CBLIF: variants seen among roughly 807,000 people sequenced by gnomAD.
CBLIF encodes the protein cobalamin binding intrinsic factor, also known as gastric intrinsic factor (vitamin B synthesis).
In CBLIF, 24 loss-of-function variants were observed where a neutral mutation model predicts 44.9. The observed-to-expected ratio is 0.53, with a 90% confidence interval of 0.39 to 0.75. The LOEUF (loss-of-function observed/expected upper bound fraction) is 0.75. Among genes scored for constraint, CBLIF ranks in the 30% least tolerant of loss-of-function variants. CBLIF has a pLI of 0.00. For synonymous variants in CBLIF, 183 were observed against 190.9 expected, an observed-to-expected ratio of 0.96 and a Z score of 0.34; for missense variants, 481 against 513.0, an observed-to-expected ratio of 0.94 and a Z score of 0.60.
chr11:59,831,587 GTGAA>G (rs1353221489), intron 8 of CBLIF, 87 bp downstream of exon 8: 3 of 727,110 alleles, frequency 4.1e-6, no homozygotes, highest in South Asian at 3.0e-5. Context: ...TATTAATTAA[GTGAA>G]TGAATGAATA....
intron 4 of CBLIF, 109 bp downstream of exon 4, chr11:59,842,334 T>C: frequency 8.2e-7 from 1 of 1,224,232 alleles, no homozygotes; most frequent in Admixed American, 1.7e-5. Context: ...TTCACATCCT[T>C]AGCTCCTCCT....
chr11:59,835,479 C>G (rs1233336766), intron 7 of CBLIF, among the ~76,000 whole-genome samples: 1 of 152,140 alleles, frequency 6.6e-6, no homozygotes, highest in Admixed American at 6.5e-5. Context: ...CTGGCCATTT[C>G]TTTTTCTGGA....
At chr11:59,842,891 A>C (rs1434105538) in intron 3 of CBLIF, 137 bp downstream of exon 3, 1 of 705,428 alleles carries the variant, frequency 1.4e-6, no homozygotes, top group African/African-American at 1.8e-5. Context: ...GGATTATCAG[A>C]AGGACCAGAG....
chr11:59,845,460 C>G lies in CBLIF; in HGVS notation c.-7G>C. On this transcript the variant is annotated 5_prime_UTR_variant, in exon 1 of 9. Coordinates refer to ENST00000257248, the MANE Select transcript of CBLIF (RefSeq NM_005142.3). ...AGAGGGCAAACCAGGCCATCTCACT[C>G]TCTCGTCTATGTCTCTCATCCACAG... 6.3e-7 allele frequency: 1 copy of G among 1,593,574 alleles called. No homozygotes were observed. The highest frequency in any genetic ancestry group is 8.6e-7 in the Non-Finnish European group (1 of 1,161,736).
At chr11:59,842,056 C>A (rs957710195) in intron 4 of CBLIF, among the ~76,000 whole-genome samples, 1 of 151,830 alleles carries the variant, frequency 6.6e-6, no homozygotes, top group Non-Finnish European at 1.5e-5. Context: ...GGAGAAGCAT[C>A]GAAAAGAATG....
rs549615866 is a variant in CBLIF, at chr11:59,833,743, G to C, written c.1074-1947C>G. Among the ~76,000 whole-genome samples, 4 of 152,036 alleles carry C rather than the reference G, an allele frequency of 2.6e-5. 1 individual carries two copies. The South Asian group carries it at 6.2e-4, about 24-fold the overall frequency. ...GAAGAATTTGGATCATCTTTTCTTTGAAAAAGAAAAGATGCTTTTTTCCTT... is the reference window on the plus strand; with the variant it reads ...GAAGAATTTGGATCATCTTTTCTTTCAAAAAGAAAAGATGCTTTTTTCCTT... On this transcript the variant is annotated intron_variant, in intron 7 of 8. Transcript: ENST00000257248.
Position 59,838,475 on chromosome 11 carries a change from C to G in CBLIF, c.694-1124G>C, listed in dbSNP as rs933000956. On this transcript the variant is annotated intron_variant, in intron 5 of 8. Coordinates refer to ENST00000257248, the MANE Select transcript of CBLIF (RefSeq NM_005142.3). The stretch of plus-strand genomic sequence containing the variant: ...TTGTTAATGACTGGTTCACCTGAAG[C>G]TTGGAATAGGAAATGGGAGAAGAGA... Among the ~76,000 whole-genome samples the G allele has an allele frequency of 3.9e-5, 6 of 152,028 alleles. 1 individual carries two copies. Among genetic ancestry groups the G allele is most frequent in the African/African-American group, 1.5e-4 (6 of 41,366 alleles).
chr11:59,830,233 CT>C (rs530371257), intron 8 of CBLIF, among the ~76,000 whole-genome samples: 10,663 of 123,242 alleles, frequency 0.087, 503 homozygotes, highest in African/African-American at 0.19. Context: ...CAATTACTTT[CT>C]TTTTTTTTTT....
At chr11:59,842,672 G>A (rs997871863) in intron 3 of CBLIF, 89 bp from the exon 4 acceptor site, 49 of 1,337,228 alleles carry the variant, frequency 3.7e-5, no homozygotes, top group Admixed American at 1.5e-4. Flanking sequence ...CTTTGAAAAG[G>A]AAATTGCTAG....
intron 1 of CBLIF, chr11:59,845,171 C>T (rs1866588626): frequency 1.5e-6 from 1 of 656,742 alleles, no homozygotes; most frequent in Non-Finnish European, 2.6e-6. Context: ...CCCCATCTCT[C>T]TTAATAAAAA....
intron 6 of CBLIF, 150 bp from the exon 7 acceptor site, chr11:59,836,159 T>C: frequency 1.4e-6 from 1 of 733,616 alleles, no homozygotes; most frequent in Non-Finnish European, 2.4e-6. Flanking sequence ...ACAACTAGCA[T>C]AGAATTCCGG....
At chr11:59,833,059 G>T (rs1253897685) in intron 7 of CBLIF, among the ~76,000 whole-genome samples, 1 of 152,116 alleles carries the variant, frequency 6.6e-6, no homozygotes, top group Non-Finnish European at 1.5e-5. Flanking sequence ...TAACAATTGT[G>T]ATATTGTGTG....
intron 4 of CBLIF, 51 bp downstream of exon 4, chr11:59,842,392 G>A: frequency 6.2e-7 from 1 of 1,601,922 alleles, no homozygotes; most frequent in Non-Finnish European, 8.5e-7. Context: ...CCACCATTCA[G>A]TTCACGATGC....
At chr11:59,839,937 C>T (rs932687056) in intron 5 of CBLIF, among the ~76,000 whole-genome samples, 2 of 151,852 alleles carry the variant, frequency 1.3e-5, no homozygotes, top group Admixed American at 6.6e-5. Flanking sequence ...CTCTTCCAGA[C>T]TGCCTTTTTC....
intron 5 of CBLIF, 128 bp from the exon 6 acceptor site, chr11:59,837,479 C>G: frequency 1.3e-6 from 1 of 749,964 alleles, no homozygotes; most frequent in Non-Finnish European, 2.4e-6. Context: ...AATGCAAAGC[C>G]AATGCTATGT....
intron 4 of CBLIF, among the ~76,000 whole-genome samples, chr11:59,841,852 G>A (rs1041271324): frequency 6.6e-6 from 1 of 152,186 alleles, no homozygotes; most frequent in Non-Finnish European, 1.5e-5. Context: ...CCCCCACAGA[G>A]AAGGATCATT....
chr11:59,835,126 T>A (rs994714042), intron 7 of CBLIF, among the ~76,000 whole-genome samples: 1 of 151,880 alleles, frequency 6.6e-6, no homozygotes, highest in Non-Finnish European at 1.5e-5. Flanking sequence ...CGCAAATGCT[T>A]TGTTCTGGCC....
In CBLIF at chr11:59,834,315, C is replaced by T. The variant is rs7109306; in HGVS notation, c.1073+1493G>A. Reference sequence around the variant, plus strand: ...TTCTTTCTTTCTTTCTTTCTTTCTTCCTTCCTTCCTTCCTTCCTTCCTTTT... The same window carrying T: ...TTCTTTCTTTCTTTCTTTCTTTCTTTCTTCCTTCCTTCCTTCCTTCCTTTT... On this transcript the variant is annotated intron_variant, in intron 7 of 8. Coordinates refer to ENST00000257248, the MANE Select transcript of CBLIF (RefSeq NM_005142.3). Among the ~76,000 whole-genome samples the T allele has an allele frequency of 1.4e-3, 160 of 117,162 alleles. 1 individual carries two copies. Among genetic ancestry groups the T allele is most frequent in the East Asian group, 1.8e-3 (7 of 3,962 alleles). 76.9% of individuals were successfully genotyped at this position (117,162 alleles called of 152,430 possible).
intron 7 of CBLIF, among the ~76,000 whole-genome samples, chr11:59,833,800 C>T (rs914862762): frequency 6.6e-6 from 1 of 152,168 alleles, no homozygotes; most frequent in Non-Finnish European, 1.5e-5. Flanking sequence ...TCCTCTCCTC[C>T]TATAGCTTAG....
Sources: gnomAD v4.1 joint callset for allele counts (sites outside exome capture counted in the v4.1 genomes callset) on GRCh38, gnomAD v4.1.1 for gene constraint, MANE v1.5 for transcripts, NCBI Gene and HGNC (gene_info 2026-07-23, HGNC 2026-07-21) for gene names.